The following NPIPB11 variants were observed in gnomAD, a reference collection of about 807,000 sequenced individuals.
NPIPB11 encodes nuclear pore complex-interacting protein family member B11.
Under a neutral mutation model 32.8 loss-of-function variants are expected in NPIPB11, and 17 were observed. That is an observed-to-expected ratio of 0.52 (90% CI 0.35 to 0.78). NPIPB11 has a LOEUF of 0.78. Among genes scored for constraint, NPIPB11 ranks in the 30% least tolerant of loss-of-function variants. NPIPB11 has a pLI of 0.01. For missense variants in NPIPB11, 537 were observed against 1,000.4 expected, an observed-to-expected ratio of 0.54 and a Z score of 6.25; for synonymous variants, 209 against 398.4, an observed-to-expected ratio of 0.52 and a Z score of 5.66.
At chr16:29,397,075 G>A (rs963146992) in intron 2 of NPIPB11, among the ~76,000 whole-genome samples, 3 of 150,648 alleles carry the variant, frequency 2.0e-5, no homozygotes, top group African/African-American at 4.9e-5. Context: ...GGAGGCTGAG[G>A]CAGGACAATT....
chr16:29,400,272 G>T (rs1963958944), intron 2 of NPIPB11, among the ~76,000 whole-genome samples: 1 of 150,184 alleles, frequency 6.7e-6, no homozygotes, highest in East Asian at 2.0e-4. Flanking sequence ...CAGAGTTTGG[G>T]GTCTCGAACA....
intron 5 of NPIPB11, 32 bp downstream of exon 5, chr16:29,389,909 T>C (rs1963670866): frequency 3.8e-6 from 6 of 1,583,716 alleles, no homozygotes; most frequent in Non-Finnish European, 5.1e-6. Flanking sequence ...ACATGGTTCC[T>C]ACAACAGTAT....
In NPIPB11 at chr16:29,393,858, A is replaced by G. The variant is rs1963781103; in HGVS notation, c.249+90T>C. 10 of 1,245,468 alleles carry G rather than the reference A, an allele frequency of 8.0e-6. No homozygotes were observed. The South Asian group carries it at 1.4e-4, about 17-fold the overall frequency. 77.2% of individuals were successfully genotyped at this position (1,245,468 alleles called of 1,614,324 possible). A position where few individuals can be genotyped will look rare whatever the true frequency, so the allele number is the denominator to read the frequency against. ...ATTTTTTGGGTAAAACCACATATTC[A>G]TAATGAAGTCCAGAAATGTGAATTG... On this transcript the variant is annotated intron_variant, in intron 3 of 7. Coordinates refer to ENST00000524087, the Ensembl canonical transcript of NPIPB11.
chr16:29,394,049 G>A (rs1963788571), exon 3 of NPIPB11: 1 of 1,599,274 alleles, frequency 6.3e-7, no homozygotes, highest in South Asian at 1.1e-5. Context: ...GTCCCACGAT[G>A]ATGATGGTCA....
chr16:29,399,882 G>C (rs1268467573), intron 2 of NPIPB11, among the ~76,000 whole-genome samples: 2 of 151,964 alleles, frequency 1.3e-5, no homozygotes, highest in Non-Finnish European at 2.9e-5. Context: ...TTCGAGACCA[G>C]CCTGACCAAC....
At chr16:29,394,002 A>G in exon 3 of NPIPB11, 2 of 1,599,530 alleles carry the variant, frequency 1.3e-6, no homozygotes, top group Non-Finnish European at 1.7e-6. Context: ...TCGGAAACGC[A>G]ATAATAATAT....
At chr16:29,383,927 C>T in exon 8 of NPIPB11, 3 of 1,383,230 alleles carry the variant, frequency 2.2e-6, no homozygotes, top group South Asian at 1.2e-5. Flanking sequence ...GGGGATGGAG[C>T]AGACACTCGG....
chr16:29,401,814 G>A (rs551215037), intron 2 of NPIPB11, among the ~76,000 whole-genome samples: 54 of 152,014 alleles, frequency 3.6e-4, no homozygotes, highest in Middle Eastern at 3.4e-3. Flanking sequence ...CTTTATTCTC[G>A]TGGCAGGATG....
chr16:29,401,601 A>C (rs4017130), intron 2 of NPIPB11, among the ~76,000 whole-genome samples: 1 of 152,056 alleles, frequency 6.6e-6, no homozygotes, highest in Non-Finnish European at 1.5e-5. Context: ...ACCATATGAC[A>C]GCCTTAATGG....
chr16:29,393,737 G>T (rs1020797510), intron 3 of NPIPB11, among the ~76,000 whole-genome samples: 1 of 152,098 alleles, frequency 6.6e-6, no homozygotes, highest in Non-Finnish European at 1.5e-5. Flanking sequence ...CAAAAGCTCT[G>T]TTGACATTCT....
intron 2 of NPIPB11, among the ~76,000 whole-genome samples, chr16:29,396,019 G>T (rs1462312017): frequency 2.7e-5 from 4 of 149,232 alleles, no homozygotes; most frequent in African/African-American, 9.8e-5. Context: ...TCATGAAAAT[G>T]GCATGAATAG....
At chr16:29,394,508 C>T (rs1005243500) in intron 2 of NPIPB11, among the ~76,000 whole-genome samples, 3 of 150,856 alleles carry the variant, frequency 2.0e-5, no homozygotes, top group Non-Finnish European at 4.4e-5. Context: ...AATCTTGGCT[C>T]ACTACAACCT....
chr16:29,397,537 A>G, intron 2 of NPIPB11: 1 of 1,513,030 alleles, frequency 6.6e-7, no homozygotes, highest in Non-Finnish European at 8.9e-7. Context: ...AGTAAAAAGG[A>G]AGAAACCCCG....
intron 2 of NPIPB11, among the ~76,000 whole-genome samples, chr16:29,402,960 TC>T (rs1182230367): frequency 6.7e-6 from 1 of 149,546 alleles, no homozygotes; most frequent in Non-Finnish European, 1.5e-5. Context: ...TGTGGTTAAT[TC>T]TTTTATTCAA....
intron 2 of NPIPB11, among the ~76,000 whole-genome samples, chr16:29,396,927 A>G (rs1255717807): frequency 6.6e-6 from 1 of 151,924 alleles, no homozygotes; most frequent in Non-Finnish European, 1.5e-5. Context: ...AGGCAGGCGG[A>G]TCACGAGGTC....
chr16:29,383,911 G>T lies in NPIPB11; in HGVS notation c.1021C>A (p.Pro341Thr), dbSNP rs370777109. ...GTCTTGAGATTATCATCCGCTGAGG[G>T]TGGAAGGGGATGGAGCAGACACTCG... is the stretch of plus-strand genomic sequence containing the variant. The change falls in exon 8 of 8, where the codon CCC becomes ACC. Residue 341 changes from proline (P) to threonine (T), a missense_variant. By Grantham distance (38) the Pro-to-Thr change is conservative. Transcript: ENST00000524087. 18 of 1,344,926 alleles carry T rather than the reference G, an allele frequency of 1.3e-5. 1 individual carries two copies. Among genetic ancestry groups the T allele is most frequent in the East Asian group, 9.7e-5 (4 of 41,242 alleles). The allele number at this position is 1,344,926 out of a possible 1,614,324, so 83.3% of individuals were successfully genotyped here.
chr16:29,401,067 G>A (rs1259540745), intron 2 of NPIPB11, among the ~76,000 whole-genome samples: 4 of 152,136 alleles, frequency 2.6e-5, no homozygotes, highest in Admixed American at 6.5e-5. Context: ...CAAAGAGGAA[G>A]AATCAGGCCC....
chr16:29,391,232 A>C (rs1963714596), intron 3 of NPIPB11, among the ~76,000 whole-genome samples: 1 of 131,172 alleles, frequency 7.6e-6, no homozygotes, highest in African/African-American at 2.9e-5. Flanking sequence ...CCACCACTGC[A>C]CTCCAGCCTG....
At chr16:29,401,183 G>T in intron 2 of NPIPB11, among the ~76,000 whole-genome samples, 1 of 152,226 alleles carries the variant, frequency 6.6e-6, no homozygotes, top group East Asian at 1.9e-4. Flanking sequence ...GAGCACTCTT[G>T]AACCTGTGCA....
Sources: allele counts gnomAD v4.1 joint callset (sites outside exome capture counted in the v4.1 genomes callset), GRCh38; gene constraint gnomAD v4.1.1; transcripts MANE v1.5; gene names NCBI Gene and HGNC (gene_info 2026-07-23, HGNC 2026-07-21).